TNFSF4: variants seen among roughly 807,000 people sequenced by gnomAD.
The protein encoded by TNFSF4 is TNF superfamily member 4, also known as tumor necrosis factor ligand superfamily member 4.
Under a neutral mutation model 7.3 loss-of-function variants are expected in TNFSF4, and 4 were observed. That is an observed-to-expected ratio of 0.55 (90% CI 0.27 to 1.25). The LOEUF (loss-of-function observed/expected upper bound fraction) is 1.25, where lower values mean the gene tolerates loss of function less well. Among genes scored for constraint, TNFSF4 ranks in the 50% most tolerant of loss-of-function variants. The pLI, the probability that TNFSF4 is intolerant of heterozygous loss-of-function variation, is 0.12. For synonymous variants in TNFSF4, 76 were observed against 83.7 expected (o/e 0.91, Z 0.50); for missense variants, 181 against 208.8 (o/e 0.87, Z 0.82).
chr1:173,355,551 G>A, the TNFSF4 span, among the ~76,000 whole-genome samples: 3 of 152,158 alleles, frequency 2.0e-5, no homozygotes, highest in Non-Finnish European at 1.5e-5. Flanking sequence ...CTGGAGGGCT[G>A]TCTCCAAAAG....
the TNFSF4 span, among the ~76,000 whole-genome samples, chr1:173,441,513 A>G: frequency 6.6e-6 from 1 of 152,178 alleles, no homozygotes; most frequent in African/African-American, 2.4e-5. Flanking sequence ...AGTCCCAGCT[A>G]CTAGGGAGGC....
chr1:173,331,450 G>C, the TNFSF4 span, among the ~76,000 whole-genome samples: 1 of 133,734 alleles, frequency 7.5e-6, no homozygotes, highest in Non-Finnish European at 1.7e-5. Flanking sequence ...GGAAACCTTA[G>C]TAGTCAAAAA....
the TNFSF4 span, among the ~76,000 whole-genome samples, chr1:173,283,859 A>G: frequency 6.6e-6 from 1 of 151,902 alleles, no homozygotes; most frequent in Non-Finnish European, 1.5e-5. Flanking sequence ...GAATGACAAT[A>G]ATAGTACATA....
At chr1:173,236,878 C>A in the TNFSF4 span, among the ~76,000 whole-genome samples, 2 of 152,154 alleles carry the variant, frequency 1.3e-5, no homozygotes, top group Non-Finnish European at 2.9e-5. Context: ...GGTTTGATAT[C>A]ACTTGGATGC....
the TNFSF4 span, among the ~76,000 whole-genome samples, chr1:173,371,670 G>T: frequency 0.73 from 111,557 of 152,028 alleles, 41,188 homozygotes; most frequent in East Asian, 0.91. Context: ...AAATGGTTAG[G>T]GGAGACTAGT....
the TNFSF4 span, among the ~76,000 whole-genome samples, chr1:173,243,623 C>T: frequency 6.6e-6 from 1 of 152,222 alleles, no homozygotes; most frequent in Non-Finnish European, 1.5e-5. Flanking sequence ...ACAACTTCCA[C>T]CTGGCAAAAA....
At chr1:173,322,976 C>A in the TNFSF4 span, among the ~76,000 whole-genome samples, 1 of 152,198 alleles carries the variant, frequency 6.6e-6, no homozygotes, top group Non-Finnish European at 1.5e-5. Context: ...CACAGCCAAA[C>A]AACAGGCAGC....
chr1:173,336,144 A>G, the TNFSF4 span, among the ~76,000 whole-genome samples: 1 of 152,194 alleles, frequency 6.6e-6, no homozygotes. Flanking sequence ...GAGTGAGGCT[A>G]CTATGGTGGG....
At chr1:173,315,323 C>T in the TNFSF4 span, among the ~76,000 whole-genome samples, 1 of 152,078 alleles carries the variant, frequency 6.6e-6, no homozygotes, top group East Asian at 1.9e-4. Context: ...TATTTCAATC[C>T]CCATAAAAGC....
At chr1:173,360,902 G>T in the TNFSF4 span, among the ~76,000 whole-genome samples, 2 of 152,172 alleles carry the variant, frequency 1.3e-5, no homozygotes, top group African/African-American at 4.8e-5. Flanking sequence ...AGGCAAAGGG[G>T]GCATTTCACA....
At chr1:173,242,395 C>A in the TNFSF4 span, among the ~76,000 whole-genome samples, 1 of 152,128 alleles carries the variant, frequency 6.6e-6, no homozygotes, top group Non-Finnish European at 1.5e-5. Flanking sequence ...CAGGATATTG[C>A]TTGACAATTA....
the TNFSF4 span, chr1:173,362,422 TC>T: frequency 4.3e-6 from 2 of 468,318 alleles, no homozygotes; most frequent in Non-Finnish European, 8.4e-6. Flanking sequence ...CTTTCCTTCT[TC>T]ATCCAGAGTC....
the TNFSF4 span, among the ~76,000 whole-genome samples, chr1:173,260,155 C>G: frequency 3.9e-5 from 6 of 152,152 alleles, no homozygotes; most frequent in Non-Finnish European, 8.8e-5. Context: ...AGTGGAAACT[C>G]TACAAGCCAG....
chr1:173,328,142 G>A, the TNFSF4 span, among the ~76,000 whole-genome samples: 1 of 151,940 alleles, frequency 6.6e-6, no homozygotes, highest in Non-Finnish European at 1.5e-5. Context: ...AAGAAAATAT[G>A]GCACATATAC....
chr1:173,232,325 T>C, the TNFSF4 span, among the ~76,000 whole-genome samples: 1 of 152,238 alleles, frequency 6.6e-6, no homozygotes, highest in Non-Finnish European at 1.5e-5. Flanking sequence ...TTTTGTATCC[T>C]GAGACTTTGC....
At chr1:173,379,104 C>A in the TNFSF4 span, among the ~76,000 whole-genome samples, 1 of 152,080 alleles carries the variant, frequency 6.6e-6, no homozygotes, top group Admixed American at 6.6e-5. Flanking sequence ...TAGATCAAAC[C>A]CTGGCCTTTA....
chr1:173,238,028 C>T, the TNFSF4 span, among the ~76,000 whole-genome samples: 1 of 152,056 alleles, frequency 6.6e-6, no homozygotes, highest in Non-Finnish European at 1.5e-5. Context: ...CTACAGTAAC[C>T]GAAACAGCAT....
At chr1:173,354,867 G>A in the TNFSF4 span, among the ~76,000 whole-genome samples, 6 of 152,108 alleles carry the variant, frequency 3.9e-5, 1 homozygote, top group Admixed American at 1.3e-4. Flanking sequence ...AATGATGCTC[G>A]ATAAATACTG....
chr1:173,351,766 A>T, the TNFSF4 span: 1 of 575,272 alleles, frequency 1.7e-6, no homozygotes, highest in Non-Finnish European at 3.2e-6. Flanking sequence ...TATAAAGGTC[A>T]GCAAATTGGT....
Sources: allele counts gnomAD v4.1 joint callset (sites outside exome capture counted in the v4.1 genomes callset), GRCh38; gene constraint gnomAD v4.1.1; transcripts MANE v1.5; gene names NCBI Gene and HGNC (gene_info 2026-07-23, HGNC 2026-07-21).